The following DGKB variants were observed in gnomAD, a reference collection of about 807,000 sequenced individuals.
The protein encoded by DGKB is 90 kDa diacylglycerol kinase.
In DGKB, 67 loss-of-function variants were observed where a neutral mutation model predicts 114.3. The observed-to-expected ratio is 0.59, with a 90% CI of 0.48 to 0.72. The LOEUF (loss-of-function observed/expected upper bound fraction) is 0.72, where lower values mean the gene tolerates loss of function less well. Ranked by LOEUF, DGKB falls within the 30% of genes least tolerant of loss-of-function variation. The pLI is 0.00. For synonymous variants in DGKB, 398 were observed against 323.1 expected (o/e 1.23, Z -2.49); for missense variants, 907 against 975.2 (o/e 0.93, Z 0.93).
chr7:14,676,424 G>T (rs1819867074), intron 12 of DGKB, among the ~76,000 whole-genome samples: 1 of 151,852 alleles, frequency 6.6e-6, no homozygotes, highest in African/African-American at 2.4e-5. Flanking sequence ...ACTAAAAGAA[G>T]GTAATTGGAT....
intron 23 of DGKB, among the ~76,000 whole-genome samples, chr7:14,281,178 A>T (rs1278649871): frequency 6.6e-6 from 1 of 151,516 alleles, no homozygotes; most frequent in Admixed American, 6.6e-5. Flanking sequence ...CTACCAAGCA[A>T]ATGGAGAACA....
chr7:14,925,851 T>C (rs1562880380), intron 1 of DGKB, among the ~76,000 whole-genome samples: 1 of 144,354 alleles, frequency 6.9e-6, no homozygotes, highest in Non-Finnish European at 1.5e-5. Context: ...CATTTGCAAA[T>C]AGGAATAATT....
chr7:14,280,328 C>T (rs139645906), intron 23 of DGKB, among the ~76,000 whole-genome samples: 10,304 of 151,712 alleles, frequency 0.068, 1,127 homozygotes, highest in African/African-American at 0.23. Flanking sequence ...TAAAAAGAAA[C>T]GAGCAAAGCC....
intron 23 of DGKB, among the ~76,000 whole-genome samples, chr7:14,195,067 A>G (rs886121849): frequency 1.3e-5 from 2 of 152,166 alleles, no homozygotes; most frequent in Admixed American, 1.3e-4. Context: ...GCCACTAGCC[A>G]TGTGTATTAT....
At chr7:14,473,358 T>C (rs1469296983) in intron 21 of DGKB, among the ~76,000 whole-genome samples, 1 of 152,036 alleles carries the variant, frequency 6.6e-6, no homozygotes, top group East Asian at 1.9e-4. Flanking sequence ...TGAGAGTGCA[T>C]AGCAGTAAAG....
chr7:14,634,621 G>T (rs1371638229), intron 13 of DGKB, among the ~76,000 whole-genome samples: 2 of 150,676 alleles, frequency 1.3e-5, no homozygotes, highest in East Asian at 3.9e-4. Flanking sequence ...GATATCTCTG[G>T]CATCAAAAAA....
At chr7:14,158,338 AT>A (rs1783349578) in intron 25 of DGKB, among the ~76,000 whole-genome samples, 1 of 152,222 alleles carries the variant, frequency 6.6e-6, no homozygotes, top group East Asian at 1.9e-4. Flanking sequence ...ACCTGGCAGC[AT>A]TCCCGCCACA....
At chr7:14,829,018 A>T (rs1846068902) in intron 2 of DGKB, among the ~76,000 whole-genome samples, 1 of 152,080 alleles carries the variant, frequency 6.6e-6, no homozygotes, top group South Asian at 2.1e-4. Flanking sequence ...TAGAAAAAAA[A>T]TAGAAATGGT....
chr7:14,322,641 G>A (rs947096855), intron 23 of DGKB, among the ~76,000 whole-genome samples: 14 of 152,138 alleles, frequency 9.2e-5, no homozygotes, highest in Non-Finnish European at 1.5e-4. Context: ...ACATTCTGAT[G>A]TTTAAGACTT....
intron 21 of DGKB, among the ~76,000 whole-genome samples, chr7:14,366,182 C>T (rs1816648251): frequency 6.6e-6 from 1 of 152,020 alleles, no homozygotes; most frequent in South Asian, 2.1e-4. Context: ...TAATCAATAC[C>T]AGAGTTTATC....
rs1198398870 is a variant in DGKB, at chr7:14,562,168, C to G, written c.1770+12044G>C. Among the ~76,000 whole-genome samples the G allele has an allele frequency of 2.0e-5, 3 of 152,312 alleles. No individual in the cohort carries two copies. In the East Asian group the frequency reaches 5.8e-4, roughly 29 times the overall value. ...AAGCTCTAAGCCTTGGCAGCTTCCA[C>G]ATGGTGTTGAGCCTGCAGGTACATA... On this transcript the variant is annotated intron_variant, in intron 20 of 25. Coordinates refer to ENST00000402815, the MANE Select transcript of DGKB (RefSeq NM_001350709.2).
chr7:14,737,704 T>C (rs187304502), intron 4 of DGKB, among the ~76,000 whole-genome samples: 83 of 152,290 alleles, frequency 5.5e-4, no homozygotes, highest in African/African-American at 1.7e-3. Flanking sequence ...ACTTTGCTTA[T>C]TGATTCTCAC....
At chr7:14,322,902 C>T (rs1808074162) in intron 23 of DGKB, among the ~76,000 whole-genome samples, 1 of 152,126 alleles carries the variant, frequency 6.6e-6, no homozygotes, top group Non-Finnish European at 1.5e-5. Context: ...TAAAAAGACT[C>T]ATCATTCAAA....
chr7:14,501,728 G>A (rs114234433), intron 20 of DGKB, among the ~76,000 whole-genome samples: 3,257 of 151,978 alleles, frequency 0.021, 126 homozygotes, highest in African/African-American at 0.073. Context: ...GAATGGGAGT[G>A]TCTATTGCCA....
At chr7:14,790,848 T>G (rs1175547941) in intron 2 of DGKB, among the ~76,000 whole-genome samples, 3 of 152,186 alleles carry the variant, frequency 2.0e-5, no homozygotes, top group Non-Finnish European at 4.4e-5. Flanking sequence ...CAAAAAAAAT[T>G]CCTGGCATTT....
At chr7:14,820,155 A>G (rs963825899) in intron 2 of DGKB, among the ~76,000 whole-genome samples, 1 of 152,160 alleles carries the variant, frequency 6.6e-6, no homozygotes, top group Non-Finnish European at 1.5e-5. Context: ...ATGATGCTTT[A>G]TGGCTTTAAG....
intron 1 of DGKB, among the ~76,000 whole-genome samples, chr7:14,915,191 A>G (rs1028537423): frequency 6.6e-6 from 1 of 152,040 alleles, no homozygotes; most frequent in African/African-American, 2.4e-5. Flanking sequence ...ATACAGCAAG[A>G]CCCTGTCTTG....
At chr7:14,859,045 C>A (rs1270666857) in intron 1 of DGKB, among the ~76,000 whole-genome samples, 1 of 151,854 alleles carries the variant, frequency 6.6e-6, no homozygotes, top group Non-Finnish European at 1.5e-5. Flanking sequence ...GTAGAGAAAC[C>A]AAGAAAGAGG....
At chr7:14,843,063 ATG>A (rs1166561323) in intron 1 of DGKB, among the ~76,000 whole-genome samples, 1 of 151,900 alleles carries the variant, frequency 6.6e-6, no homozygotes, top group Non-Finnish European at 1.5e-5. Flanking sequence ...CATTAGTTGG[ATG>A]TAGTGGTGCA....
Sources: allele counts gnomAD v4.1 joint callset (sites outside exome capture counted in the v4.1 genomes callset), GRCh38; gene constraint gnomAD v4.1.1; transcripts MANE v1.5; gene names NCBI Gene and HGNC (gene_info 2026-07-23, HGNC 2026-07-21).